The following CD109 variants were observed in gnomAD, a reference collection of about 807,000 sequenced individuals.
CD109 encodes CD109 molecule, also known as CD109 antigen.
A neutral mutation model predicts 165.8 loss-of-function variants in CD109; 149 were observed. The ratio of observed to expected loss-of-function variants is 0.90; its 90% CI spans 0.79 to 1.03. The LOEUF is 1.03. Among genes scored for constraint, CD109 ranks in the 50% least tolerant of loss-of-function variants. CD109 has a pLI of 0.00. For missense variants in CD109, 1,712 were observed against 1,677.8 expected, an observed-to-expected ratio of 1.02 and a Z score of -0.36; for synonymous variants, 585 against 592.1, an observed-to-expected ratio of 0.99 and a Z score of 0.18.
chr6:73,805,692 C>A (rs1775536759), intron 24 of CD109, among the ~76,000 whole-genome samples: 1 of 152,190 alleles, frequency 6.6e-6, no homozygotes. Context: ...GTCCCTGCAG[C>A]CTTCCGCAGT....
intron 19 of CD109, 129 bp from the exon 20 acceptor site, chr6:73,785,235 T>C: frequency 1.6e-6 from 1 of 632,986 alleles, no homozygotes; most frequent in East Asian, 2.9e-5. Flanking sequence ...TTGCTTTCTG[T>C]TGATAGCAAG....
intron 5 of CD109, among the ~76,000 whole-genome samples, chr6:73,739,451 T>C (rs1443724812): frequency 6.6e-6 from 1 of 152,184 alleles, no homozygotes; most frequent in East Asian, 1.9e-4. Flanking sequence ...ATAGAGGAAA[T>C]GTATTTATTA....
intron 5 of CD109, among the ~76,000 whole-genome samples, chr6:73,745,260 G>A (rs1400272535): frequency 6.6e-6 from 1 of 151,958 alleles, no homozygotes; most frequent in African/African-American, 2.4e-5. Flanking sequence ...GTGCCACCAT[G>A]GGCCTGGCTA....
intron 2 of CD109, among the ~76,000 whole-genome samples, chr6:73,707,583 C>T (rs565008451): frequency 2.3e-4 from 35 of 152,164 alleles, no homozygotes; most frequent in African/African-American, 7.2e-4. Flanking sequence ...GTACCCACCT[C>T]GTAGCATTGT....
intron 2 of CD109, among the ~76,000 whole-genome samples, chr6:73,722,350 A>G (rs182821215): frequency 6.6e-6 from 1 of 152,268 alleles, no homozygotes; most frequent in African/African-American, 2.4e-5. Flanking sequence ...TAGCATCCTC[A>G]TCTTATGGAT....
In CD109 at chr6:73,771,587, T is replaced by C. The variant is rs780380910; in HGVS notation, c.1827+6T>C. Reference sequence around the variant, plus strand: ...ATGATATTACAATGGAAAATGTGAGTTTAGCTATTTTTTCATTATGAAAAT... The same window carrying C: ...ATGATATTACAATGGAAAATGTGAGCTTAGCTATTTTTTCATTATGAAAAT... On this transcript the variant is annotated splice_donor_region_variant and intron_variant, in intron 15 of 32. Coordinates refer to ENST00000287097, the MANE Select transcript of CD109 (RefSeq NM_133493.5). 7.1e-5 allele frequency: 109 copies of C among 1,529,086 alleles called. No homozygotes were observed. The highest frequency in any genetic ancestry group is 9.4e-5 in the Non-Finnish European group (107 of 1,138,934). 94.7% of individuals were successfully genotyped at this position (1,529,086 alleles called of 1,614,324 possible).
chr6:73,737,146 G>T (rs1221080552), intron 5 of CD109, among the ~76,000 whole-genome samples: 1 of 151,970 alleles, frequency 6.6e-6, no homozygotes, highest in African/African-American at 2.4e-5. Context: ...GATATAAATT[G>T]GTCATTTAGT....
intron 2 of CD109, among the ~76,000 whole-genome samples, chr6:73,701,595 T>C (rs1771083222): frequency 1.3e-5 from 2 of 152,232 alleles, no homozygotes; most frequent in African/African-American, 4.8e-5. Flanking sequence ...TATAAAATAA[T>C]TTAATTTTCG....
chr6:73,724,788 A>G (rs1772075285), intron 3 of CD109, among the ~76,000 whole-genome samples: 1 of 151,636 alleles, frequency 6.6e-6, no homozygotes, highest in Non-Finnish European at 1.5e-5. Context: ...TTTTTTGTAG[A>G]AACAGGTTTC....
chr6:73,810,582 T>C (rs945230913), intron 27 of CD109, among the ~76,000 whole-genome samples: 1 of 152,064 alleles, frequency 6.6e-6, no homozygotes, highest in Non-Finnish European at 1.5e-5. Flanking sequence ...TTTAATTTAC[T>C]GATAATATGA....
chr6:73,764,773 G>A (rs532666581), intron 10 of CD109, among the ~76,000 whole-genome samples: 61 of 146,930 alleles, frequency 4.2e-4, no homozygotes, highest in Non-Finnish European at 8.9e-5. Flanking sequence ...TGGAGATTGC[G>A]CCATTGCACT....
intron 2 of CD109, among the ~76,000 whole-genome samples, chr6:73,713,836 AG>A (rs1771622186): frequency 6.6e-6 from 1 of 152,152 alleles, no homozygotes; most frequent in African/African-American, 2.4e-5. Context: ...AATCTCCGAG[AG>A]CCTCATTTGG....
chr6:73,782,620 AT>A lies in CD109; in HGVS notation c.1971del (p.Asn657LysfsTer17). On this transcript the variant is annotated frameshift_variant, in exon 18 of 33. Transcript: ENST00000287097. LOFTEE classifies it high-confidence loss of function. ...TKDYIDGVYD[N>X]AEYAERFMEE... ...TGTCAATGTTTATTTATAGATGACA[AT>A]GCAGAATATGCTGAGAGGTTTATGG... 6.2e-7 allele frequency: 1 copy of A among 1,612,868 alleles called. No homozygotes were observed.
chr6:73,699,068 T>C (rs1357446653), intron 2 of CD109, among the ~76,000 whole-genome samples: 2 of 152,230 alleles, frequency 1.3e-5, no homozygotes, highest in African/African-American at 4.8e-5. Context: ...GGGGGCAGAC[T>C]TCAACTTTCG....
chr6:73,782,142 G>C (rs1375544212), intron 17 of CD109, among the ~76,000 whole-genome samples: 1 of 152,054 alleles, frequency 6.6e-6, no homozygotes, highest in South Asian at 2.1e-4. Flanking sequence ...AAGCCCCCGG[G>C]TCTCTTTGGG....
At position 73,723,267 on chromosome 6, in the gene CD109, T is replaced by TA. The variant is rs760337012; in HGVS notation, c.265dup (p.Thr89AsnfsTer12). 1.7e-5 allele frequency: 27 copies of TA among 1,612,534 alleles called. No homozygotes were observed. The South Asian group carries it at 2.8e-4, about 16-fold the overall frequency. On this transcript the variant is annotated frameshift_variant, in exon 3 of 33. Coordinates refer to ENST00000287097, the MANE Select transcript of CD109 (RefSeq NM_133493.5). LOFTEE classifies it high-confidence loss of function. ...TCCTTGTAGGCTCTTTTAAGACACT[T>TA]ACTCTTCCATCAGTAAGTATCCATT...
chr6:73,703,498 T>A (rs764883670), intron 2 of CD109, among the ~76,000 whole-genome samples: 41 of 152,188 alleles, frequency 2.7e-4, no homozygotes, highest in Non-Finnish European at 4.0e-4. Flanking sequence ...CAAGGTCAAA[T>A]CACTTATTGG....
At chr6:73,791,111 T>G in intron 22 of CD109, among the ~76,000 whole-genome samples, 1 of 125,246 alleles carries the variant, frequency 8.0e-6, no homozygotes, top group African/African-American at 3.1e-5. Context: ...AGGACTTTAT[T>G]TGGAGGCATA....
In CD109 at chr6:73,820,560, C is replaced by T; in HGVS notation, c.4159C>T (p.Pro1387Ser). The T allele has an allele frequency of 6.4e-7, 1 of 1,562,680 alleles. No individual in the cohort carries two copies. The highest frequency in any genetic ancestry group is 1.7e-5 in the Admixed American group (1 of 57,878). Residue 1387 changes from proline to serine, a missense_variant, in exon 32 of 33, where the codon CCA becomes TCA. Physicochemically the swap from Pro to Ser is moderately conservative, Grantham distance 74. Transcript: ENST00000287097. ...ASVSIVDYYEPRRQAVRSYNS... is the reference protein window; with the variant it reads ...ASVSIVDYYESRRQAVRSYNS... The stretch of plus-strand genomic sequence containing the variant: ...AGTGTCCATAGTGGATTACTATGAG[C>T]CAAGTAAGTATGCTCTGGAGTTCTT...
Sources: gnomAD v4.1 joint callset for allele counts (sites outside exome capture counted in the v4.1 genomes callset) on GRCh38, gnomAD v4.1.1 for gene constraint, MANE v1.5 for transcripts, NCBI Gene and HGNC (gene_info 2026-07-23, HGNC 2026-07-21) for gene names.